Variants in MRTFA observed in about 807,000 individuals in gnomAD.
MRTFA encodes myocardin-related transcription factor A.
A neutral mutation model predicts 83.5 loss-of-function variants in MRTFA; 20 were observed. The ratio of observed to expected loss-of-function variants is 0.24; its 90% confidence interval spans 0.17 to 0.35. The LOEUF (loss-of-function observed/expected upper bound fraction) is 0.35. MRTFA is among the 10% of genes least tolerant of loss of function. MRTFA has a pLI of 1.00. For synonymous variants in MRTFA, 659 were observed against 541.2 expected, an observed-to-expected ratio of 1.22 and a Z score of -3.02; for missense variants, 1,200 against 1,224.7, an observed-to-expected ratio of 0.98 and a Z score of 0.30.
At chr22:40,525,552 G>A (rs2054954644) in intron 3 of MRTFA, among the ~76,000 whole-genome samples, 1 of 152,088 alleles carries the variant, frequency 6.6e-6, no homozygotes, top group Non-Finnish European at 1.5e-5. Flanking sequence ...GTACACTTAT[G>A]AAAGAACAAC....
intron 2 of MRTFA, among the ~76,000 whole-genome samples, chr22:40,559,024 C>G (rs1227483712): frequency 1.3e-5 from 2 of 152,058 alleles, no homozygotes; most frequent in African/African-American, 4.8e-5. Flanking sequence ...TCAGGTGATC[C>G]ACCTGCCCCA....
intron 1 of MRTFA, among the ~76,000 whole-genome samples, chr22:40,612,154 C>T (rs1326546849): frequency 6.6e-6 from 1 of 152,118 alleles, no homozygotes; most frequent in Non-Finnish European, 1.5e-5. Context: ...TCACAATGAG[C>T]AAGTACTTTA....
chr22:40,538,583 A>AG (rs1472670232), intron 3 of MRTFA, among the ~76,000 whole-genome samples: 1 of 151,746 alleles, frequency 6.6e-6, no homozygotes, highest in Non-Finnish European at 1.5e-5. Context: ...AAATTAAAAA[A>AG]AAAATTAAAC....
At chr22:40,527,628 G>C (rs1013249752) in intron 3 of MRTFA, among the ~76,000 whole-genome samples, 1 of 151,590 alleles carries the variant, frequency 6.6e-6, no homozygotes, top group Non-Finnish European at 1.5e-5. Context: ...GCATGGTGGT[G>C]GGCGCCTGTA....
At position 40,419,022 on chromosome 22, in the gene MRTFA, G is replaced by A. The variant is rs147775827; in HGVS notation, c.1716C>T (p.Pro572=). The A allele has an allele frequency of 9.2e-5, 149 of 1,612,494 alleles. No individual in the cohort carries two copies. The highest frequency in any genetic ancestry group is 1.1e-4 in the Non-Finnish European group (132 of 1,179,868). The change falls in exon 12 of 15, where the codon CCC becomes CCT. Residue 572 remains proline (P), a synonymous_variant. Transcript: ENST00000355630. ...TCACCATCTCACCAAAGGTGTCCCC[G>A]GGGGTGGAGTTTTCATCGCCCGTGC...
chr22:40,586,266 CAAAAAA>C (rs777228122), intron 2 of MRTFA, among the ~76,000 whole-genome samples: 1 of 98,572 alleles, frequency 1.0e-5, no homozygotes, highest in Admixed American at 1.1e-4. Flanking sequence ...ATTTGCTCTT[CAAAAAA>C]AAAAAAAAGA....
At chr22:40,560,016 A>C (rs1050081897) in intron 2 of MRTFA, among the ~76,000 whole-genome samples, 4 of 152,210 alleles carry the variant, frequency 2.6e-5, no homozygotes, top group African/African-American at 9.6e-5. Context: ...TTTATTGGGT[A>C]AATTATATAG....
intron 4 of MRTFA, among the ~76,000 whole-genome samples, chr22:40,453,486 A>G (rs2053530990): frequency 6.6e-6 from 1 of 152,174 alleles, no homozygotes; most frequent in South Asian, 2.1e-4. Flanking sequence ...TCATAGCCAA[A>G]CTTCTTTGAC....
At chr22:40,494,299 T>A (rs1046774037) in intron 3 of MRTFA, among the ~76,000 whole-genome samples, 1 of 152,144 alleles carries the variant, frequency 6.6e-6, no homozygotes, top group Admixed American at 6.5e-5. Flanking sequence ...AACTACTAGG[T>A]TAAAAAAAAG....
At chr22:40,556,306 C>T (rs769988595) in intron 2 of MRTFA, among the ~76,000 whole-genome samples, 7 of 152,106 alleles carry the variant, frequency 4.6e-5, no homozygotes, top group Non-Finnish European at 1.0e-4. Context: ...AAGAAAGGCA[C>T]TAGAAACTAA....
At chr22:40,536,257 C>A (rs2055171231) in intron 3 of MRTFA, among the ~76,000 whole-genome samples, 1 of 151,992 alleles carries the variant, frequency 6.6e-6, no homozygotes, top group Admixed American at 6.6e-5. Flanking sequence ...GAGCTGTGAT[C>A]ACCCCACTAA....
At chr22:40,435,311 G>T (rs1386078953) in intron 5 of MRTFA, among the ~76,000 whole-genome samples, 188 bp downstream of exon 5, 3 of 152,206 alleles carry the variant, frequency 2.0e-5, no homozygotes, top group Non-Finnish European at 2.9e-5. Context: ...GGAGGTAAAT[G>T]AGAGAAGGGA....
chr22:40,604,950 A>AT (rs1187160698), intron 1 of MRTFA, among the ~76,000 whole-genome samples: 2 of 152,136 alleles, frequency 1.3e-5, no homozygotes, highest in African/African-American at 4.8e-5. Context: ...AGAAGAGACT[A>AT]ATCTATGACC....
chr22:40,447,760 A>G (rs2053409525), intron 4 of MRTFA, among the ~76,000 whole-genome samples: 3 of 152,232 alleles, frequency 2.0e-5, no homozygotes, highest in Non-Finnish European at 4.4e-5. Flanking sequence ...ACTATTTTCC[A>G]CATTTTACAG....
chr22:40,601,216 C>CT lies in MRTFA; in HGVS notation c.-83-6482dup, dbSNP rs200128794. Among the ~76,000 whole-genome samples, 913 of 152,012 alleles carry CT rather than the reference C, an allele frequency of 6.0e-3. 20 individuals carry two copies. The Middle Eastern group carries it at 0.061, about 10-fold the overall frequency. On this transcript the variant is annotated intron_variant, in intron 1 of 14. Transcript: ENST00000355630. Reference sequence around the variant, plus strand: ...ACTTTACAATTTTTAAGTTTTTGAACTTTTTTTTGTTTTTTTGAGACATGG... The same window carrying CT: ...ACTTTACAATTTTTAAGTTTTTGAACTTTTTTTTTGTTTTTTTGAGACATGG...
intron 1 of MRTFA, among the ~76,000 whole-genome samples, chr22:40,629,724 C>A (rs929247330): frequency 6.3e-5 from 9 of 143,276 alleles, no homozygotes; most frequent in Non-Finnish European, 6.0e-5. Context: ...TGCAGTGAGC[C>A]GAGATCCCGC....
intron 4 of MRTFA, among the ~76,000 whole-genome samples, chr22:40,461,463 G>A (rs1372572811): frequency 6.6e-6 from 1 of 151,562 alleles, no homozygotes; most frequent in East Asian, 1.9e-4. Flanking sequence ...GTTCAGCCTG[G>A]GCAACATAGC....
At chr22:40,533,890 C>G (rs777413272) in intron 3 of MRTFA, 19 of 339,386 alleles carry the variant, frequency 5.6e-5, no homozygotes, top group Admixed American at 4.8e-5. Flanking sequence ...GTGGTTAGAA[C>G]AGTGAGCAAG....
intron 4 of MRTFA, among the ~76,000 whole-genome samples, chr22:40,461,204 CAAAAA>C (rs55733153): frequency 2.0e-5 from 1 of 50,294 alleles, no homozygotes; most frequent in African/African-American, 9.4e-5. Context: ...GAACTTGTCT[CAAAAA>C]AAAAAAAAAA....
Sources: gnomAD v4.1 joint callset for allele counts (sites outside exome capture counted in the v4.1 genomes callset) on GRCh38, gnomAD v4.1.1 for gene constraint, MANE v1.5 for transcripts, NCBI Gene and HGNC (gene_info 2026-07-23, HGNC 2026-07-21) for gene names.